Variants in ARHGEF4 observed in about 807,000 individuals in gnomAD.
ARHGEF4 encodes APC-stimulated guanine nucleotide exchange factor 1.
Under a neutral mutation model 162.0 loss-of-function variants are expected in ARHGEF4, and 119 were observed. The observed-to-expected ratio is 0.73, with a 90% CI of 0.63 to 0.86. The LOEUF is 0.86. ARHGEF4 is among the 40% of genes least tolerant of loss of function. ARHGEF4 has a pLI of 0.00. For missense variants in ARHGEF4, 2,488 were observed against 2,456.0 expected (o/e 1.01, Z -0.28); for synonymous variants, 1,014 against 979.9 (o/e 1.03, Z -0.65).
intron 6 of ARHGEF4, 49 bp from the exon 7 acceptor site, chr2:131,039,967 C>T: frequency 6.5e-7 from 1 of 1,540,194 alleles, no homozygotes; most frequent in African/African-American, 1.4e-5. Context: ...GGGCGCGGGG[C>T]GTTGCTCCGA....
At chr2:130,930,818 TG>T in intron 2 of ARHGEF4, 133 bp from the exon 3 acceptor site, 1 of 735,056 alleles carries the variant, frequency 1.4e-6, no homozygotes, top group Non-Finnish European at 2.1e-6. Flanking sequence ...AGTATTTCAC[TG>T]GACTCTGTAC....
At position 131,040,202 on chromosome 2, in the gene ARHGEF4, G is replaced by C. The variant is rs372799137; in HGVS notation, c.4482+10G>C. 3.1e-6 allele frequency: 5 copies of C among 1,608,812 alleles called. No homozygotes were observed. The highest frequency in any genetic ancestry group is 4.2e-6 in the Non-Finnish European group (5 of 1,176,870). ...GCGCGACATCTGCGAGGTGAGGCCC[G>C]GCCGGCGGGCGGTGACTGGGGACCC... is the stretch of plus-strand genomic sequence containing the variant. On this transcript the variant is annotated intron_variant, in intron 7 of 13. Transcript: ENST00000409359.
intron 1 of ARHGEF4, among the ~76,000 whole-genome samples, chr2:130,876,286 A>G (rs779828645): frequency 6.6e-6 from 1 of 152,226 alleles, no homozygotes; most frequent in Non-Finnish European, 1.5e-5. Flanking sequence ...CACCGCATGA[A>G]TGCTGCCGAG....
intron 1 of ARHGEF4, among the ~76,000 whole-genome samples, chr2:130,856,999 G>A (rs1168276720): frequency 2.0e-5 from 3 of 152,126 alleles, no homozygotes; most frequent in Non-Finnish European, 4.4e-5. Flanking sequence ...GAGGCGGGTG[G>A]ATCACGAGGT....
At chr2:131,044,184 G>A in intron 11 of ARHGEF4, 115 bp from the exon 12 acceptor site, 2 of 1,438,542 alleles carry the variant, frequency 1.4e-6, no homozygotes, top group Middle Eastern at 2.3e-4. Flanking sequence ...TGTCTGCTGG[G>A]GAGGTGGAGG....
intron 3 of ARHGEF4, among the ~76,000 whole-genome samples, chr2:130,943,070 G>A (rs987200192): frequency 6.6e-6 from 1 of 152,106 alleles, no homozygotes; most frequent in Non-Finnish European, 1.5e-5. Context: ...TTTCCAATCA[G>A]AAATGAATCA....
At chr2:130,998,173 TA>T in intron 4 of ARHGEF4, among the ~76,000 whole-genome samples, 1 of 152,358 alleles carries the variant, frequency 6.6e-6, no homozygotes, top group East Asian at 1.9e-4. Flanking sequence ...GTAGTATTTA[TA>T]TATTTCCTAA....
At chr2:130,976,924 T>C (rs879702450) in intron 4 of ARHGEF4, among the ~76,000 whole-genome samples, 6 of 151,816 alleles carry the variant, frequency 4.0e-5, no homozygotes, top group Admixed American at 2.0e-4. Context: ...GTATGGTGTG[T>C]TAGTATGTGT....
intron 1 of ARHGEF4, among the ~76,000 whole-genome samples, chr2:130,885,564 CTTT>C (rs961513941): frequency 8.7e-4 from 87 of 100,368 alleles, no homozygotes; most frequent in African/African-American, 2.3e-3. Flanking sequence ...TTTTCTTATT[CTTT>C]TTTTTTTTTT....
intron 4 of ARHGEF4, among the ~76,000 whole-genome samples, chr2:130,986,985 C>A (rs1686553016): frequency 1.3e-5 from 2 of 152,252 alleles, no homozygotes; most frequent in Non-Finnish European, 2.9e-5. Flanking sequence ...AGAATCCTTA[C>A]ACAGCAAGCC....
chr2:130,840,426 G>A (rs1680528901), intron 1 of ARHGEF4, among the ~76,000 whole-genome samples: 1 of 152,222 alleles, frequency 6.6e-6, no homozygotes, highest in African/African-American at 2.4e-5. Flanking sequence ...AAGGGGGGAT[G>A]CAGCAGCGTC....
At chr2:130,912,582 C>A (rs375392153) in intron 1 of ARHGEF4, among the ~76,000 whole-genome samples, 2 of 152,164 alleles carry the variant, frequency 1.3e-5, no homozygotes, top group African/African-American at 2.4e-5. Flanking sequence ...CCTGGGAAAC[C>A]ATGCCTGGGA....
At chr2:131,006,620 G>T (rs1370934664) in intron 4 of ARHGEF4, among the ~76,000 whole-genome samples, 2 of 152,194 alleles carry the variant, frequency 1.3e-5, no homozygotes, top group Non-Finnish European at 1.5e-5. Context: ...TCCCAAACAG[G>T]AAATCCTTCC....
At position 131,045,834 on chromosome 2, in the gene ARHGEF4, G is replaced by A. The variant is rs1037856184; in HGVS notation, c.5480-204G>A. ...CCACCCCCCTCTTCAGGCTGCTGCA[G>A]GAGGCCAGGCCCAGGCCAGAGACCC... is the stretch of plus-strand genomic sequence containing the variant. On this transcript the variant is annotated intron_variant, in intron 13 of 13. Coordinates refer to ENST00000409359, the MANE Select transcript of ARHGEF4 (RefSeq NM_001367493.1). 123 of 1,445,528 alleles carry A rather than the reference G, an allele frequency of 8.5e-5. 1 individual carries two copies. The South Asian group carries it at 9.9e-4, about 12-fold the overall frequency. 89.5% of individuals were successfully genotyped at this position (1,445,528 alleles called of 1,614,324 possible).
chr2:131,028,196 G>T, intron 5 of ARHGEF4, 112 bp downstream of exon 5: 3 of 1,433,962 alleles, frequency 2.1e-6, no homozygotes, highest in South Asian at 2.7e-5. Flanking sequence ...GTGGCTGCTG[G>T]TGGTGCTGGC....
In ARHGEF4 at chr2:130,917,321, C is replaced by T. The variant is rs1574224687; in HGVS notation, c.3375C>T (p.Tyr1125=). The change falls in exon 2 of 14, where the codon TAC becomes TAT. Residue 1125 remains tyrosine (Y), a synonymous_variant. Coordinates refer to ENST00000409359, the MANE Select transcript of ARHGEF4 (RefSeq NM_001367493.1). ...TGGTTTCTCTTGGAAGCTACAGCTA[C>T]GTGGACAGCAGTTCAGGGGACCCTG... ...ISMVSLGSYS[Y]VDSSSGDPER... is the part of the protein sequence containing the mutation. 5.2e-6 allele frequency: 8 copies of T among 1,550,560 alleles called. No homozygotes were observed. Among genetic ancestry groups the T allele is most frequent in the Non-Finnish European group, 5.2e-6 (6 of 1,146,992 alleles).
At chr2:130,986,202 G>A (rs532244393) in intron 4 of ARHGEF4, among the ~76,000 whole-genome samples, 1 of 152,312 alleles carries the variant, frequency 6.6e-6, no homozygotes, top group South Asian at 2.1e-4. Context: ...TGCATAGGGT[G>A]TGTTGCATGT....
intron 11 of ARHGEF4, among the ~76,000 whole-genome samples, chr2:131,043,865 A>G (rs1261928895): frequency 1.3e-5 from 2 of 152,074 alleles, no homozygotes; most frequent in Non-Finnish European, 2.9e-5. Context: ...CTCTCCCTGC[A>G]AACCTCCACA....
intron 1 of ARHGEF4, among the ~76,000 whole-genome samples, chr2:130,873,774 G>T (rs1678646068): frequency 6.6e-6 from 1 of 151,988 alleles, no homozygotes; most frequent in Admixed American, 6.6e-5. Context: ...CTTTGGAGGG[G>T]TGGGGTTTGG....
Sources: gnomAD v4.1 joint callset for allele counts (sites outside exome capture counted in the v4.1 genomes callset) on GRCh38, gnomAD v4.1.1 for gene constraint, MANE v1.5 for transcripts, NCBI Gene and HGNC (gene_info 2026-07-23, HGNC 2026-07-21) for gene names.